Variants in HECW2 observed in about 807,000 individuals in gnomAD.
The protein encoded by HECW2 is HECT, C2 and WW domain containing E3 ubiquitin protein ligase 2.
A neutral mutation model predicts 175.2 loss-of-function variants in HECW2; 61 were observed. That is an observed-to-expected ratio of 0.35 (90% CI 0.28 to 0.43). The LOEUF is 0.43. Ranked by LOEUF, HECW2 falls within the 20% of genes least tolerant of loss-of-function variation. The pLI is 1.00. For synonymous variants in HECW2, 671 were observed against 731.0 expected, an observed-to-expected ratio of 0.92 and a Z score of 1.32; for missense variants, 1,524 against 2,000.5, an observed-to-expected ratio of 0.76 and a Z score of 4.54.
Position 196,499,142 on chromosome 2 carries a change from C to T in HECW2, c.-35-65684G>A, listed in dbSNP as rs78111866. Among the ~76,000 whole-genome samples the T allele has an allele frequency of 4.6e-3, 697 of 152,222 alleles. 6 individuals carry two copies. The highest frequency in any genetic ancestry group is 0.016 in the African/African-American group (660 of 41,540). Reference sequence around the variant, plus strand: ...CTCAGCTTGCCCTGCAATTATTAAACGCTTTCTCTGCTGCAATACCCGCCA... The same window carrying T: ...CTCAGCTTGCCCTGCAATTATTAAATGCTTTCTCTGCTGCAATACCCGCCA... On this transcript the variant is annotated intron_variant, in intron 1 of 28. Transcript: ENST00000644978.
chr2:196,549,253 C>G (rs930682786), intron 1 of HECW2, among the ~76,000 whole-genome samples: 2 of 152,166 alleles, frequency 1.3e-5, no homozygotes, highest in Non-Finnish European at 2.9e-5. Context: ...AAATAGAGCA[C>G]AGTCAGCAGT....
At position 196,319,430 on chromosome 2, in the gene HECW2, C is replaced by T; in HGVS notation, c.1460G>A (p.Gly487Asp). 1 of 1,613,708 alleles carries T rather than the reference C, an allele frequency of 6.2e-7. No homozygotes were observed. The highest frequency in any genetic ancestry group is 2.2e-5 in the East Asian group (1 of 44,878). The stretch of plus-strand genomic sequence containing the variant: ...GGATGCCCTGCTAAACATGATCAGG[C>T]CTCCCTCCTCCTCCAAGGAAGATGG... ...GYPSSLEEEG[G>D]LIMFSRASRA... The change falls in exon 9 of 29, where the codon GGC (glycine) becomes GAC (aspartate). Residue 487 changes from glycine (G) to aspartate (D), a missense_variant. This residue lies in a region of HECW2 where 604 missense variants were observed against 588.3 expected (regional missense o/e 1.03). Transcript: ENST00000644978.
intron 24 of HECW2, among the ~76,000 whole-genome samples, chr2:196,222,009 A>G (rs1183138681): frequency 1.3e-5 from 2 of 152,230 alleles, no homozygotes. Context: ...CACCATCTGT[A>G]ATTTACAGCA....
At chr2:196,274,914 C>T (rs1463308172) in intron 15 of HECW2, among the ~76,000 whole-genome samples, 4 of 152,132 alleles carry the variant, frequency 2.6e-5, no homozygotes, top group Admixed American at 6.5e-5. Flanking sequence ...TCTTTTGAGA[C>T]AATAGCAGAA....
At chr2:196,224,693 C>G (rs1045099772) in intron 23 of HECW2, among the ~76,000 whole-genome samples, 1 of 152,106 alleles carries the variant, frequency 6.6e-6, no homozygotes, top group Non-Finnish European at 1.5e-5. Flanking sequence ...CACAGGTTTT[C>G]TGGTGGGAAA....
At position 196,201,224 on chromosome 2, in the gene HECW2, G is replaced by C. The variant is rs1234301227; in HGVS notation, c.*53C>G. 9.8e-6 allele frequency: 11 copies of C among 1,118,406 alleles called. No individual in the cohort carries two copies. 69.3% of individuals were successfully genotyped at this position (1,118,406 alleles called of 1,614,324 possible). On this transcript the variant is annotated 3_prime_UTR_variant, in exon 29 of 29. Transcript: ENST00000644978. The stretch of plus-strand genomic sequence containing the variant: ...CTTCCAATGTTCAATCATTCTTCTA[G>C]AAGGCAGCTTCTGAACCTGCCTGTC...
intron 21 of HECW2, among the ~76,000 whole-genome samples, chr2:196,228,668 A>G (rs537098095): frequency 1.3e-5 from 2 of 152,368 alleles, no homozygotes; most frequent in Admixed American, 6.5e-5. Context: ...AATCAGTTAC[A>G]TATGCTCACA....
intron 17 of HECW2, among the ~76,000 whole-genome samples, chr2:196,258,958 C>A (rs1689175719): frequency 6.6e-6 from 1 of 152,092 alleles, no homozygotes; most frequent in South Asian, 2.1e-4. Flanking sequence ...GATATTTTCA[C>A]AAAGTTCCAC....
intron 15 of HECW2, among the ~76,000 whole-genome samples, chr2:196,275,750 T>TA (rs200671171): frequency 0.15 from 21,250 of 144,802 alleles, 1,758 homozygotes; most frequent in East Asian, 0.32. Context: ...GACTCTGTCT[T>TA]AAAAAAAAAA....
rs114024560 is a variant in HECW2, at chr2:196,329,613, T to C, written c.533A>G (p.Asn178Ser). ...AEGMEGGASG[N>S]LHSRKLVSFT... The stretch of plus-strand genomic sequence containing the variant: ...GCTAACAAGTTTTCGAGAATGCAGG[T>C]TTCCTGAAGCACCTCCCTCCATGCC... The change falls in exon 5 of 29, where the codon AAC becomes AGC. Residue 178 changes from asparagine to serine, a missense_variant. Physicochemically the swap from Asn to Ser is conservative, Grantham distance 46. This residue lies in a region of HECW2 where 54 missense variants were observed against 46.8 expected (regional missense o/e 1.15). Transcript: ENST00000644978. 992 of 1,613,714 alleles carry C rather than the reference T, an allele frequency of 6.1e-4. 9 individuals are homozygous for C. The African/African-American group carries it at 0.011, about 18-fold the overall frequency.
intron 1 of HECW2, among the ~76,000 whole-genome samples, chr2:196,498,505 A>C (rs1215854731): frequency 1.3e-5 from 2 of 152,208 alleles, no homozygotes; most frequent in Non-Finnish European, 2.9e-5. Context: ...ACTCGATTTT[A>C]CTGCTAAACT....
intron 14 of HECW2, among the ~76,000 whole-genome samples, chr2:196,281,669 A>AG (rs1690194025): frequency 6.8e-6 from 1 of 148,062 alleles, no homozygotes; most frequent in Admixed American, 6.7e-5. Context: ...AAAAAAAAAA[A>AG]GCGTGTTCTT....
At chr2:196,533,595 T>A (rs1242057740) in intron 1 of HECW2, among the ~76,000 whole-genome samples, 1 of 151,044 alleles carries the variant, frequency 6.6e-6, no homozygotes, top group Non-Finnish European at 1.5e-5. Flanking sequence ...GTCATATGTA[T>A]CCTTGTCCAT....
chr2:196,207,588 G>C (rs1435110385), intron 28 of HECW2, among the ~76,000 whole-genome samples: 1 of 152,170 alleles, frequency 6.6e-6, no homozygotes, highest in African/African-American at 2.4e-5. Context: ...ATTCTATGGT[G>C]CTTGCTATTC....
chr2:196,294,195 T>A (rs1690718145), intron 13 of HECW2, among the ~76,000 whole-genome samples: 1 of 152,216 alleles, frequency 6.6e-6, no homozygotes, highest in Non-Finnish European at 1.5e-5. Context: ...ACTGACTATG[T>A]CATGATTGTC....
intron 1 of HECW2, among the ~76,000 whole-genome samples, chr2:196,483,457 G>T (rs1252496866): frequency 2.6e-5 from 4 of 152,160 alleles, no homozygotes; most frequent in Non-Finnish European, 4.4e-5. Flanking sequence ...ATCTAACCCT[G>T]CTGAGTGGGA....
chr2:196,404,289 T>C (rs1694900562), intron 2 of HECW2, among the ~76,000 whole-genome samples: 1 of 152,210 alleles, frequency 6.6e-6, no homozygotes, highest in Non-Finnish European at 1.5e-5. Flanking sequence ...CATGAATATA[T>C]ACTTACTTGC....
chr2:196,240,880 CA>C (rs1688426295), intron 20 of HECW2, among the ~76,000 whole-genome samples: 1 of 152,102 alleles, frequency 6.6e-6, no homozygotes, highest in Non-Finnish European at 1.5e-5. Context: ...ACACCACACA[CA>C]CCGCCCCCCG....
At chr2:196,256,169 A>G (rs1689049121) in intron 18 of HECW2, among the ~76,000 whole-genome samples, 1 of 152,242 alleles carries the variant, frequency 6.6e-6, no homozygotes, top group African/African-American at 2.4e-5. Flanking sequence ...CATATAATAC[A>G]TTGTGTTGTT....
Sources: gnomAD v4.1 joint callset for allele counts (sites outside exome capture counted in the v4.1 genomes callset) on GRCh38, gnomAD v4.1.1 for gene constraint, gnomAD v4.1.1 regional missense constraint, MANE v1.5 for transcripts, NCBI Gene and HGNC (gene_info 2026-07-23, HGNC 2026-07-21) for gene names.